Variants in CECR2 observed in about 807,000 individuals in gnomAD.
CECR2 encodes CECR2 histone acetyl-lysine reader, also known as chromatin remodeling regulator CECR2.
Under a neutral mutation model 154.5 loss-of-function variants are expected in CECR2, and 30 were observed. That is an observed-to-expected ratio of 0.19 (90% CI 0.15 to 0.26). The LOEUF is 0.26. CECR2 is among the 10% of genes least tolerant of loss of function. The pLI is 1.00. For synonymous variants in CECR2, 725 were observed against 683.7 expected (o/e 1.06, Z -0.94); for missense variants, 1,743 against 1,829.3 (o/e 0.95, Z 0.86).
intron 2 of CECR2, among the ~76,000 whole-genome samples, chr22:17,480,455 CACACAG>C (rs1381411622): frequency 6.8e-6 from 1 of 146,126 alleles, no homozygotes; most frequent in Non-Finnish European, 1.5e-5. Context: ...CACACACACA[CACACAG>C]AGAAAAGTGC....
In CECR2 at chr22:17,474,911, C is replaced by T. The variant is rs372463520; in HGVS notation, c.127-2677C>T. On this transcript the variant is annotated intron_variant, in intron 1 of 18. Transcript: ENST00000262608. ...GAACTCCTGGCTTTAAGCAATCCTC[C>T]CATCTCAGCCTCCAGTGTTGCCTTT... Among the ~76,000 whole-genome samples, 6 of 152,236 alleles carry T rather than the reference C, an allele frequency of 3.9e-5. No homozygotes were observed. The East Asian group carries it at 7.7e-4, about 20-fold the overall frequency.
chr22:17,384,026 T>C (rs892596018), intron 1 of CECR2, among the ~76,000 whole-genome samples: 2 of 152,106 alleles, frequency 1.3e-5, no homozygotes, highest in African/African-American at 4.8e-5. Flanking sequence ...TCTGTATTTC[T>C]TTCCTCCACT....
At chr22:17,428,798 T>TGTGTGTGTGTGTG (rs2054371930) in intron 1 of CECR2, among the ~76,000 whole-genome samples, 1 of 136,336 alleles carries the variant, frequency 7.3e-6, no homozygotes, top group African/African-American at 2.9e-5. Context: ...ATGTTTTTAT[T>TGTGTGTGTGTGTG]TGTGTGTGTG....
At chr22:17,486,250 G>A (rs766644557) in intron 2 of CECR2, among the ~76,000 whole-genome samples, 3 of 152,230 alleles carry the variant, frequency 2.0e-5, no homozygotes, top group Non-Finnish European at 4.4e-5. Context: ...CTGAGGAAGC[G>A]AAGGCAAAAC....
intron 13 of CECR2, among the ~76,000 whole-genome samples, chr22:17,539,647 C>G (rs900944744): frequency 4.6e-5 from 7 of 151,764 alleles, no homozygotes; most frequent in South Asian, 2.1e-4. Flanking sequence ...CACATGTACC[C>G]TAGAACTTAA....
At chr22:17,521,705 T>C (rs981892522) in intron 8 of CECR2, among the ~76,000 whole-genome samples, 1 of 152,232 alleles carries the variant, frequency 6.6e-6, no homozygotes, top group African/African-American at 2.4e-5. Flanking sequence ...GTAGGTTGCC[T>C]GTTCACTCTG....
At position 17,553,761 on chromosome 22, in the gene CECR2, T is replaced by C. The variant is rs1414589199; in HGVS notation, c.*921T>C. On this transcript the variant is annotated 3_prime_UTR_variant, in exon 19 of 19. Transcript: ENST00000262608. The stretch of plus-strand genomic sequence containing the variant: ...AATAGTTGTAAACCAGTATCAGGAA[T>C]TGGGATCGCTAGAGTGTTTCACGTA... 1 of 152,174 alleles carries C rather than the reference T, an allele frequency of 6.6e-6. No homozygotes were observed. The highest frequency in any genetic ancestry group is 2.4e-5 in the African/African-American group (1 of 41,432). 9.4% of individuals were successfully genotyped at this position (152,174 alleles called of 1,614,324 possible).
At chr22:17,448,215 GTACTACACA>G (rs775910585) in intron 1 of CECR2, among the ~76,000 whole-genome samples, 2 of 152,152 alleles carry the variant, frequency 1.3e-5, no homozygotes, top group Non-Finnish European at 2.9e-5. Context: ...TGAGATGTGT[GTACTACACA>G]TCCATGACTA....
At chr22:17,495,550 C>T (rs1182901656) in intron 2 of CECR2, among the ~76,000 whole-genome samples, 3 of 122,666 alleles carry the variant, frequency 2.4e-5, no homozygotes, top group Non-Finnish European at 3.3e-5. Flanking sequence ...GCCTGGGCTA[C>T]AAGAGCAAAA....
At chr22:17,399,449 CCTT>C (rs1043911629) in intron 1 of CECR2, among the ~76,000 whole-genome samples, 1 of 145,122 alleles carries the variant, frequency 6.9e-6, no homozygotes, top group Non-Finnish European at 1.5e-5. Flanking sequence ...GATGGAGTCT[CCTT>C]CTGTCTCCAG....
chr22:17,509,451 C>G (rs1193179779), intron 7 of CECR2, among the ~76,000 whole-genome samples: 1 of 147,830 alleles, frequency 6.8e-6, no homozygotes, highest in South Asian at 2.1e-4. Context: ...TAAACAGAGA[C>G]AGGGACCTTA....
At chr22:17,531,048 T>A (rs761597468) in intron 9 of CECR2, among the ~76,000 whole-genome samples, 1 of 152,182 alleles carries the variant, frequency 6.6e-6, no homozygotes. Context: ...TTGGGTGATA[T>A]GTCTGGGTAA....
At chr22:17,487,774 C>G (rs997609872) in intron 2 of CECR2, among the ~76,000 whole-genome samples, 3 of 152,142 alleles carry the variant, frequency 2.0e-5, no homozygotes, top group Admixed American at 2.0e-4. Flanking sequence ...TTATAGAACG[C>G]AGACTGATTT....
chr22:17,488,287 CTG>C (rs2055460618), intron 2 of CECR2, among the ~76,000 whole-genome samples: 1 of 152,238 alleles, frequency 6.6e-6, no homozygotes, highest in African/African-American at 2.4e-5. Flanking sequence ...ACAGAAATAT[CTG>C]TCATCTTTTT....
intron 1 of CECR2, among the ~76,000 whole-genome samples, chr22:17,411,846 A>G (rs531975909): frequency 6.6e-6 from 1 of 152,182 alleles, no homozygotes; most frequent in Non-Finnish European, 1.5e-5. Flanking sequence ...CATATGATAT[A>G]TATTTTTATG....
chr22:17,500,670 A>G lies in CECR2; in HGVS notation c.585A>G (p.Gly195=). ...AAAAAAATGTCTCAAGTATTCCTGG[A>G]AAAACGGGAAAAAGAAGAGGAAGAC... The part of the protein sequence containing the change: ...EGQKNVSSIP[G]KTGKRRGRPP... The change falls in exon 5 of 19, where the codon GGA becomes GGG. Residue 195 remains glycine, a synonymous_variant. Coordinates refer to ENST00000262608, the MANE Select transcript of CECR2 (RefSeq NM_001290047.2). 2 of 1,557,170 alleles carry G rather than the reference A, an allele frequency of 1.3e-6. No homozygotes were observed. Among genetic ancestry groups the G allele is most frequent in the Non-Finnish European group, 1.7e-6 (2 of 1,150,590 alleles).
At chr22:17,435,301 G>A (rs2054487546) in intron 1 of CECR2, among the ~76,000 whole-genome samples, 1 of 152,016 alleles carries the variant, frequency 6.6e-6, no homozygotes, top group Non-Finnish European at 1.5e-5. Flanking sequence ...AATTTCTTAT[G>A]CATTCCATGA....
chr22:17,454,209 G>A (rs554498055), intron 1 of CECR2, among the ~76,000 whole-genome samples: 3 of 152,026 alleles, frequency 2.0e-5, no homozygotes, highest in Non-Finnish European at 4.4e-5. Context: ...TGAAGTGGGA[G>A]GATTTCTTGA....
At chr22:17,415,778 C>G (rs1054686471) in intron 1 of CECR2, among the ~76,000 whole-genome samples, 10 of 152,180 alleles carry the variant, frequency 6.6e-5, no homozygotes, top group African/African-American at 2.4e-5. Context: ...TTGGTTTCAG[C>G]AATTTTGGTT....
Sources: gnomAD v4.1 joint callset for allele counts (sites outside exome capture counted in the v4.1 genomes callset) on GRCh38, gnomAD v4.1.1 for gene constraint, MANE v1.5 for transcripts, NCBI Gene and HGNC (gene_info 2026-07-23, HGNC 2026-07-21) for gene names.